Variants in MPRIP observed in about 807,000 individuals in gnomAD.
MPRIP encodes the protein myosin phosphatase Rho interacting protein, also known as myosin phosphatase Rho-interacting protein.
Under a neutral mutation model 234.9 loss-of-function variants are expected in MPRIP, and 59 were observed. The observed-to-expected ratio is 0.25, with a 90% CI of 0.20 to 0.31. The LOEUF is 0.31. Among genes scored for constraint, MPRIP ranks in the 10% least tolerant of loss-of-function variants. The pLI is 1.00. For missense variants in MPRIP, 2,436 were observed against 3,071.0 expected, an observed-to-expected ratio of 0.79 and a Z score of 4.89; for synonymous variants, 1,144 against 1,263.9, an observed-to-expected ratio of 0.91 and a Z score of 2.01.
chr17:17,086,954 C>T (rs981569532), intron 3 of MPRIP, among the ~76,000 whole-genome samples: 1 of 152,064 alleles, frequency 6.6e-6, no homozygotes, highest in Non-Finnish European at 1.5e-5. Context: ...ATGACAGGTC[C>T]GGGAAGGGCT....
At chr17:17,107,715 A>G (rs1230778334) in intron 3 of MPRIP, among the ~76,000 whole-genome samples, 1 of 152,116 alleles carries the variant, frequency 6.6e-6, no homozygotes, top group Non-Finnish European at 1.5e-5. Context: ...ATGGCGGGGG[A>G]AACCCAGAGA....
rs1052646564 is a variant in MPRIP, at chr17:17,191,133, G to A, written c.*6239G>A. The A allele has an allele frequency of 1.3e-5, 2 of 152,176 alleles. No homozygotes were observed. Among genetic ancestry groups the A allele is most frequent in the African/African-American group, 4.8e-5 (2 of 41,434 alleles). The allele number at this position is 152,176 out of a possible 1,614,324, so 9.4% of individuals were successfully genotyped here. ...TAAAGTGTACAATATCCAAAATAAC[G>A]ATAGCCCTGTATCCATACATTGTTT... On this transcript the variant is annotated 3_prime_UTR_variant, in exon 24 of 24. Coordinates refer to ENST00000651222, the MANE Select transcript of MPRIP (RefSeq NM_001364716.4).
intron 7 of MPRIP, among the ~76,000 whole-genome samples, chr17:17,139,541 C>T (rs2090770559): frequency 6.6e-6 from 1 of 152,228 alleles, no homozygotes; most frequent in Non-Finnish European, 1.5e-5. Context: ...CTTCCCCAGC[C>T]ACAACCTGGA....
At position 17,188,949 on chromosome 17, in the gene MPRIP, C is replaced by T. The variant is rs34976658; in HGVS notation, c.*4055C>T. ...GGTGTAGGGGAAGCTCTGCTGGCCC[C>T]TGCTCCTTTGTATGTTGGGTGACTT... On this transcript the variant is annotated 3_prime_UTR_variant, in exon 24 of 24. Transcript: ENST00000651222. The T allele has an allele frequency of 0.52, 78,429 of 152,240 alleles. 24,145 individuals carry two copies. Among genetic ancestry groups the T allele is most frequent in the East Asian group, 0.68 (3,536 of 5,166 alleles). 9.4% of individuals were successfully genotyped at this position (152,240 alleles called of 1,614,324 possible). A position where few individuals can be genotyped will look rare whatever the true frequency, so the allele number is the denominator to read the frequency against.
intron 1 of MPRIP, among the ~76,000 whole-genome samples, chr17:17,047,703 T>TTA (rs1461495747): frequency 2.6e-5 from 4 of 152,116 alleles, no homozygotes; most frequent in African/African-American, 9.7e-5. Context: ...AGAAGTACCT[T>TTA]TAACAGAGAT....
Position 17,164,445 on chromosome 17 carries a change from C to A in MPRIP, c.2854C>A (p.Leu952Met). The change falls in exon 16 of 24, where the codon CTG becomes ATG. Residue 952 changes from leucine to methionine, a missense_variant. Physicochemically the swap from Leu to Met is conservative, Grantham distance 15. Around this residue, in one of 4 missense-constraint regions of MPRIP, gnomAD observed 1,998 missense variants for 2,520.3 expected, o/e 0.79. Coordinates refer to ENST00000651222, the MANE Select transcript of MPRIP (RefSeq NM_001364716.4). The part of the protein sequence containing the change: ...QHSEAALSSQ[L>M]RASEQKLKSA... ...CAGCGAGGCGGCGCTGAGCAGCCAG[C>A]TGAGGGCTAGCGAGCAGAAGCTCAA... The A allele has an allele frequency of 8.0e-7, 1 of 1,253,134 alleles. No homozygotes were observed. Among genetic ancestry groups the A allele is most frequent in the Non-Finnish European group, 1.0e-6 (1 of 969,482 alleles). The allele number at this position is 1,253,134 out of a possible 1,614,324, so 77.6% of individuals were successfully genotyped here.
chr17:17,170,427 G>A (rs900529070), intron 16 of MPRIP, among the ~76,000 whole-genome samples: 24 of 152,172 alleles, frequency 1.6e-4, no homozygotes, highest in African/African-American at 5.3e-4. Flanking sequence ...CTAGTTAATA[G>A]TGGCAATAGC....
At chr17:17,174,149 T>C in intron 19 of MPRIP, 74 bp downstream of exon 19, 1 of 1,534,058 alleles carries the variant, frequency 6.5e-7, no homozygotes, top group Non-Finnish European at 8.9e-7. Context: ...GTCAGGTGAG[T>C]CCACACTGGA....
At chr17:17,147,507 C>T (rs1008581150) in intron 11 of MPRIP, 120 bp downstream of exon 11, 11 of 952,166 alleles carry the variant, frequency 1.2e-5, no homozygotes, top group Non-Finnish European at 1.8e-5. Context: ...CAGCGCCCTT[C>T]GGTGGTGTTA....
Position 17,143,622 on chromosome 17 carries a change from C to A in MPRIP, c.1456C>A (p.Arg486=), listed in dbSNP as rs749606638. Residue 486 remains arginine (R), a synonymous_variant, in exon 9 of 24, where the codon CGA becomes AGA. Transcript: ENST00000651222. ...DASASPLSPH[R]RAKSLDRRST... ...CTCGGCTTCCCCCCTGTCTCCACAC[C>A]GAAGAGCCAAGTCACTGGACAGGAG... The A allele has an allele frequency of 6.2e-7, 1 of 1,607,142 alleles. No homozygotes were observed. The highest frequency in any genetic ancestry group is 8.5e-7 in the Non-Finnish European group (1 of 1,177,160).
intron 3 of MPRIP, among the ~76,000 whole-genome samples, chr17:17,098,821 A>G (rs2089903016): frequency 1.3e-5 from 2 of 152,102 alleles, no homozygotes; most frequent in South Asian, 4.2e-4. Flanking sequence ...AGGCATTCCT[A>G]GATTGGGACA....
intron 2 of MPRIP, chr17:17,077,391 G>C (rs563848621): frequency 6.5e-6 from 1 of 153,494 alleles, no homozygotes; most frequent in Non-Finnish European, 1.4e-5. Context: ...GAGTAGAGCG[G>C]GGGATGATCT....
At chr17:17,126,449 A>C (rs930290777) in intron 3 of MPRIP, among the ~76,000 whole-genome samples, 7 of 152,176 alleles carry the variant, frequency 4.6e-5, no homozygotes, top group African/African-American at 1.7e-4. Flanking sequence ...CCTCCCCTGC[A>C]TATCCCCTCC....
intron 4 of MPRIP, among the ~76,000 whole-genome samples, chr17:17,128,562 G>C (rs1007016785): frequency 2.0e-5 from 3 of 152,270 alleles, no homozygotes; most frequent in Admixed American, 2.0e-4. Flanking sequence ...CCAAGGTACC[G>C]GGTGCACATG....
chr17:17,102,262 G>A (rs2089977960), intron 3 of MPRIP, among the ~76,000 whole-genome samples: 1 of 152,078 alleles, frequency 6.6e-6, no homozygotes, highest in Non-Finnish European at 1.5e-5. Context: ...CAGGAAGGGG[G>A]CTATACCATC....
intron 3 of MPRIP, among the ~76,000 whole-genome samples, chr17:17,085,018 C>G (rs967093586): frequency 5.9e-5 from 9 of 152,180 alleles, no homozygotes; most frequent in Non-Finnish European, 8.8e-5. Context: ...ATGGGTCAGT[C>G]TTATACTTTC....
intron 1 of MPRIP, among the ~76,000 whole-genome samples, chr17:17,073,561 C>T (rs1397485549): frequency 6.6e-6 from 1 of 152,214 alleles, no homozygotes; most frequent in Non-Finnish European, 1.5e-5. Context: ...AGAGGAATGG[C>T]TTGGCAGGCT....
chr17:17,060,676 C>T (rs1314768946), intron 1 of MPRIP, among the ~76,000 whole-genome samples: 1 of 152,246 alleles, frequency 6.6e-6, no homozygotes, highest in African/African-American at 2.4e-5. Flanking sequence ...CTGCAGAATG[C>T]ATTCCTGGCA....
chr17:17,073,814 T>A (rs1012349663), intron 1 of MPRIP, among the ~76,000 whole-genome samples: 16 of 152,168 alleles, frequency 1.1e-4, no homozygotes, highest in South Asian at 2.1e-4. Context: ...TCGCCTTTGC[T>A]TCTGCCTTCC....
Sources: gnomAD v4.1 joint callset for allele counts (sites outside exome capture counted in the v4.1 genomes callset) on GRCh38, gnomAD v4.1.1 for gene constraint, gnomAD v4.1.1 regional missense constraint, MANE v1.5 for transcripts, NCBI Gene and HGNC (gene_info 2026-07-23, HGNC 2026-07-21) for gene names.